The following BICRA variants were observed in gnomAD, a reference collection of about 807,000 sequenced individuals.
The protein encoded by BICRA is BRD4-interacting chromatin-remodeling complex-associated protein.
In BICRA, 31 loss-of-function variants were observed where a neutral mutation model predicts 96.9. The observed-to-expected ratio is 0.32, with a 90% CI of 0.24 to 0.43. The LOEUF (loss-of-function observed/expected upper bound fraction) is 0.43, where lower values mean the gene tolerates loss of function less well. Among genes scored for constraint, BICRA ranks in the 20% least tolerant of loss-of-function variants. The probability of loss-of-function intolerance (pLI) is 1.00; values close to 1 mark genes in which losing one functional copy is unlikely to be tolerated. For synonymous variants in BICRA, 1,350 were observed against 1,071.8 expected (o/e 1.26, Z -5.07); for missense variants, 2,283 against 2,190.3 (o/e 1.04, Z -0.84).
chr19:47,630,225 A>G (rs890683103), intron 1 of BICRA, among the ~76,000 whole-genome samples: 12 of 149,214 alleles, frequency 8.0e-5, no homozygotes, highest in African/African-American at 2.5e-4. Flanking sequence ...CAGTGGCGCA[A>G]TCTCGGCTCA....
intron 1 of BICRA, among the ~76,000 whole-genome samples, chr19:47,610,410 C>T (rs1971885142): frequency 6.6e-6 from 1 of 152,196 alleles, no homozygotes; most frequent in Non-Finnish European, 1.5e-5. Context: ...GGAGGCACTG[C>T]GGCTTCTTCC....
intron 7 of BICRA, among the ~76,000 whole-genome samples, chr19:47,686,908 G>A (rs1438120081): frequency 6.6e-6 from 1 of 152,190 alleles, no homozygotes; most frequent in Non-Finnish European, 1.5e-5. Flanking sequence ...CGGTGTCCTT[G>A]CGTGCAGAAT....
intron 7 of BICRA, among the ~76,000 whole-genome samples, chr19:47,693,379 A>G (rs1599863119): frequency 6.6e-6 from 1 of 152,226 alleles, no homozygotes; most frequent in Non-Finnish European, 1.5e-5. Context: ...GCACGCTTGT[A>G]CCTGCAAGCT....
chr19:47,620,688 A>AAAC (rs1972053023), intron 1 of BICRA, among the ~76,000 whole-genome samples: 1 of 150,988 alleles, frequency 6.6e-6, no homozygotes. Context: ...AAAAAAAAAA[A>AAAC]ACAAGAACAA....
At position 47,694,693 on chromosome 19, in the gene BICRA, C is replaced by G. The variant is rs763416783; in HGVS notation, c.2862C>G (p.Pro954=). The part of the protein sequence containing the change: ...QMVTTPFPAL[P]QPKALLERFH... ...TGACCACCCCCTTCCCAGCGCTGCC[C>G]CAGCCGAAGGCTCTTCTCGAGAGAT... The change falls in exon 8 of 15, where the codon CCC becomes CCG. Residue 954 remains proline, a synonymous_variant. Coordinates refer to ENST00000594866, the MANE Select transcript of BICRA (RefSeq NM_001394372.1). 8 of 1,580,492 alleles carry G rather than the reference C, an allele frequency of 5.1e-6. No homozygotes were observed. The highest frequency in any genetic ancestry group is 3.4e-5 in the Admixed American group (2 of 59,010).
chr19:47,668,511 G>C (rs186977580), intron 1 of BICRA, among the ~76,000 whole-genome samples: 1 of 146,828 alleles, frequency 6.8e-6, no homozygotes, highest in Non-Finnish European at 1.5e-5. Context: ...TTTTGAGACG[G>C]AGTCTAGCTC....
At position 47,679,782 on chromosome 19, in the gene BICRA, C is replaced by G; in HGVS notation, c.612C>G (p.Gly204=). 1 of 1,500,490 alleles carries G rather than the reference C, an allele frequency of 6.7e-7. No individual in the cohort carries two copies. The highest frequency in any genetic ancestry group is 8.9e-7 in the Non-Finnish European group (1 of 1,126,860). The allele number at this position is 1,500,490 out of a possible 1,614,324, so 92.9% of individuals were successfully genotyped here. A position where few individuals can be genotyped will look rare whatever the true frequency, so the allele number is the denominator to read the frequency against. Residue 204 remains glycine (G), a synonymous_variant, in exon 6 of 15, where the codon GGC becomes GGG. Transcript: ENST00000594866. ...VQPFLQPVGL[G]NVTLQPIPGL... ...CCTTCCTGCAGCCTGTGGGCCTGGG[C>G]AATGTGACACTGCAGCCCATCCCGG...
rs1387666194 is a variant in BICRA at position 47,694,672 on chromosome 19, C to T, written c.2841C>T (p.Thr947=). 1 of 1,597,812 alleles carries T rather than the reference C, an allele frequency of 6.3e-7. No homozygotes were observed. Among genetic ancestry groups the T allele is most frequent in the Non-Finnish European group, 8.6e-7 (1 of 1,168,638 alleles). ...CTCCTCGGACCTTCCAGATGGTGAC[C>T]ACCCCCTTCCCAGCGCTGCCCCAGC... The part of the protein sequence containing the change: ...PPPPRTFQMV[T]TPFPALPQPK... Residue 947 remains threonine, a synonymous_variant, in exon 8 of 15, where the codon ACC becomes ACT. Coordinates refer to ENST00000594866, the MANE Select transcript of BICRA (RefSeq NM_001394372.1).
chr19:47,694,900 G>A lies in BICRA; in HGVS notation c.2896G>A (p.Val966Met), dbSNP rs761384553. Reference protein sequence around the residue: ...PKALLERFHQVPSGIILQNKA... With the variant: ...PKALLERFHQMPSGIILQNKA... ...CCTCATCCACCTGTCCCCTCCTCAG[G>A]TGCCGTCCGGAATCATCCTCCAGAA... Residue 966 changes from valine (V) to methionine (M), a missense_variant and splice_region_variant, in exon 9 of 15, where the codon GTG becomes ATG. Physicochemically the swap from Val to Met is conservative, Grantham distance 21 (BLOSUM62 1). Coordinates refer to ENST00000594866, the MANE Select transcript of BICRA (RefSeq NM_001394372.1). 8 of 1,509,404 alleles carry A rather than the reference G, an allele frequency of 5.3e-6. No homozygotes were observed. Among genetic ancestry groups the A allele is most frequent in the Non-Finnish European group, 7.0e-6 (8 of 1,135,160 alleles). 93.5% of individuals were successfully genotyped at this position (1,509,404 alleles called of 1,614,324 possible). A position where few individuals can be genotyped will look rare whatever the true frequency, so the allele number is the denominator to read the frequency against.
intron 11 of BICRA, among the ~76,000 whole-genome samples, chr19:47,697,705 T>C (rs923816074): frequency 9.2e-5 from 14 of 152,150 alleles, no homozygotes; most frequent in African/African-American, 3.4e-4. Context: ...CTTGAACTTC[T>C]GGCCTCAGGT....
chr19:47,618,527 C>T (rs1972016450), intron 1 of BICRA, among the ~76,000 whole-genome samples: 1 of 152,090 alleles, frequency 6.6e-6, no homozygotes, highest in South Asian at 2.1e-4. Context: ...GACAAAAATG[C>T]TGTTTCTAGG....
At chr19:47,644,922 C>G (rs1972437647) in intron 1 of BICRA, among the ~76,000 whole-genome samples, 1 of 152,230 alleles carries the variant, frequency 6.6e-6, no homozygotes, top group Non-Finnish European at 1.5e-5. Context: ...CACACACTTC[C>G]TCTTTCTCTC....
Position 47,680,904 on chromosome 19 carries a change from C to A in BICRA, c.1734C>A (p.Ala578=), listed in dbSNP as rs1313733419. The part of the protein sequence containing the change: ...TQSQPAPAGP[A]ATTVLQGVTL... ...GCCAGCCAGCGCCCGCCGGGCCGGC[C>A]GCCACCACTGTCCTCCAGGGGGTCA... The change falls in exon 6 of 15, where the codon GCC becomes GCA. Residue 578 remains alanine, a synonymous_variant. Transcript: ENST00000594866. The A allele has an allele frequency of 1.3e-6, 2 of 1,484,786 alleles. No homozygotes were observed. The highest frequency in any genetic ancestry group is 1.3e-5 in the South Asian group (1 of 74,906). 92.0% of individuals were successfully genotyped at this position (1,484,786 alleles called of 1,614,324 possible). A position where few individuals can be genotyped will look rare whatever the true frequency, so the allele number is the denominator to read the frequency against.
chr19:47,667,316 T>A (rs1474418171), intron 1 of BICRA, among the ~76,000 whole-genome samples: 1 of 152,190 alleles, frequency 6.6e-6, no homozygotes, highest in Non-Finnish European at 1.5e-5. Context: ...CGCCTGGCCC[T>A]ATTCATGTCT....
In BICRA at chr19:47,611,025, A is replaced by G. The variant is rs1330200482; in HGVS notation, c.-108+1857A>G. On this transcript the variant is annotated intron_variant, in intron 1 of 14. Transcript: ENST00000594866. ...ACGCTGGCCACAGTCCAAGGAGGAA[A>G]TAGAGACGGGACAGACATTCCCGTT... is the stretch of plus-strand genomic sequence containing the variant. Among the ~76,000 whole-genome samples, 8 of 152,140 alleles carry G rather than the reference A, an allele frequency of 5.3e-5. No homozygotes were observed. In the East Asian group the frequency reaches 1.5e-3, roughly 29 times the overall value.
At chr19:47,629,657 T>C (rs1488668734) in intron 1 of BICRA, among the ~76,000 whole-genome samples, 1 of 141,722 alleles carries the variant, frequency 7.1e-6, no homozygotes, top group Non-Finnish European at 1.6e-5. Flanking sequence ...ATATCTATTT[T>C]TTTTGTGTGG....
In BICRA at chr19:47,698,872, G is replaced by A; in HGVS notation, c.3397+90G>A. On this transcript the variant is annotated intron_variant, in intron 12 of 14. Coordinates refer to ENST00000594866, the MANE Select transcript of BICRA (RefSeq NM_001394372.1). This position sits in a 1 kb window ranked among gnomAD's most constrained non-coding sequence, Gnocchi z 4.8. ...CGCCAGTGTGGAGCCGCAGGTCCAC[G>A]GTGCGCTATGCTGACCCTGCCCCGC... The A allele has an allele frequency of 1.5e-6, 2 of 1,337,532 alleles. No homozygotes were observed. Among genetic ancestry groups the A allele is most frequent in the East Asian group, 2.5e-5 (1 of 40,100 alleles). The allele number at this position is 1,337,532 out of a possible 1,614,324, so 82.9% of individuals were successfully genotyped here. A position where few individuals can be genotyped will look rare whatever the true frequency, so the allele number is the denominator to read the frequency against.
intron 1 of BICRA, among the ~76,000 whole-genome samples, chr19:47,639,963 A>G (rs779794971): frequency 1.3e-5 from 2 of 152,122 alleles, no homozygotes; most frequent in East Asian, 3.9e-4. Flanking sequence ...TTCTAACAAC[A>G]TATCAAGAGG....
In BICRA at chr19:47,699,707, T is replaced by C. The variant is rs1973410635; in HGVS notation, c.3595+302T>C. 6.6e-6 allele frequency among the ~76,000 whole-genome samples: 1 copy of C among 152,156 alleles called. No homozygotes were observed. The highest frequency in any genetic ancestry group is 1.5e-5 in the Non-Finnish European group (1 of 68,018). ...CAAAACAGGAGAGCAGGCGCCTAGG[T>C]TGCAAAATATATAAGGTAACGCCCA... is the stretch of plus-strand genomic sequence containing the variant. On this transcript the variant is annotated intron_variant, in intron 14 of 14. Transcript: ENST00000594866. This position sits in a 1 kb window ranked among gnomAD's most constrained non-coding sequence, Gnocchi z 5.0.
Sources: allele counts gnomAD v4.1 joint callset (sites outside exome capture counted in the v4.1 genomes callset), GRCh38; gene constraint gnomAD v4.1.1; non-coding constraint Gnocchi (gnomAD v3.1); transcripts MANE v1.5; gene names NCBI Gene and HGNC (gene_info 2026-07-23, HGNC 2026-07-21).